The following FBRSL1 variants were observed in gnomAD, a reference collection of about 807,000 sequenced individuals.
FBRSL1 encodes the protein fibrosin-1-like protein.
A neutral mutation model predicts 89.6 loss-of-function variants in FBRSL1; 51 were observed. That is an observed-to-expected ratio of 0.57 (90% CI 0.45 to 0.72). The LOEUF (loss-of-function observed/expected upper bound fraction) is 0.72, where lower values mean the gene tolerates loss of function less well. FBRSL1 is among the 30% of genes least tolerant of loss of function. The probability of loss-of-function intolerance (pLI) is 0.00; values close to 1 mark genes in which losing one functional copy is unlikely to be tolerated. For missense variants in FBRSL1, 1,618 were observed against 1,451.8 expected, an observed-to-expected ratio of 1.11 and a Z score of -1.86; for synonymous variants, 779 against 681.1, an observed-to-expected ratio of 1.14 and a Z score of -2.24.
chr12:132,512,554 C>T (rs573970474), intron 2 of FBRSL1, among the ~76,000 whole-genome samples: 15 of 152,372 alleles, frequency 9.8e-5, no homozygotes, highest in Admixed American at 5.2e-4. Flanking sequence ...TCAGACGTCC[C>T]TGTTGTCAGG....
chr12:132,575,830 T>C (rs1056692778), intron 14 of FBRSL1, among the ~76,000 whole-genome samples: 1 of 152,260 alleles, frequency 6.6e-6, no homozygotes, highest in Non-Finnish European at 1.5e-5. Flanking sequence ...CAGAGCACAC[T>C]GCAGGGACCA....
chr12:132,517,307 G>A (rs2034930786), intron 2 of FBRSL1, among the ~76,000 whole-genome samples: 1 of 152,246 alleles, frequency 6.6e-6, no homozygotes, highest in African/African-American at 2.4e-5. Context: ...TTAGGTGGGA[G>A]TGGAAGAGGA....
At chr12:132,535,057 G>A (rs1047359759) in intron 4 of FBRSL1, among the ~76,000 whole-genome samples, 2 of 152,268 alleles carry the variant, frequency 1.3e-5, no homozygotes, top group East Asian at 1.9e-4. Context: ...GAGAGGGCCA[G>A]GCCAGAGTCT....
chr12:132,540,968 A>G (rs535782552), intron 4 of FBRSL1, among the ~76,000 whole-genome samples: 20 of 152,274 alleles, frequency 1.3e-4, no homozygotes, highest in African/African-American at 4.1e-4. Flanking sequence ...CACTGGGGGT[A>G]CAGCCTCCCA....
chr12:132,538,069 G>C (rs996384858), intron 4 of FBRSL1, among the ~76,000 whole-genome samples: 1 of 152,162 alleles, frequency 6.6e-6, no homozygotes, highest in Non-Finnish European at 1.5e-5. Flanking sequence ...CCAGATCCCT[G>C]GTCAGAGTGA....
chr12:132,577,190 C>T (rs2040435612), intron 15 of FBRSL1, among the ~76,000 whole-genome samples: 1 of 151,962 alleles, frequency 6.6e-6, no homozygotes, highest in South Asian at 2.1e-4. Flanking sequence ...GGGGCTGCTG[C>T]TCCTCCCCAC....
intron 9 of FBRSL1, chr12:132,571,508 C>T (rs1399998241): frequency 6.5e-7 from 1 of 1,532,206 alleles, no homozygotes; most frequent in Admixed American, 2.0e-5. Flanking sequence ...CCGACGCCGC[C>T]CGCCGCACCC....
Position 132,581,731 on chromosome 12 carries a change from G to T in FBRSL1, c.1913-10G>T. The T allele has an allele frequency of 1.3e-6, 2 of 1,550,034 alleles. No individual in the cohort carries two copies. Among genetic ancestry groups the T allele is most frequent in the Non-Finnish European group, 1.7e-6 (2 of 1,146,716 alleles). ...TCACAGACCTCTGGGTCCCGCGGTT[G>T]CCCCCACAGACCCTTTCAGCAGACC... On this transcript the variant is annotated splice_polypyrimidine_tract_variant and intron_variant, in intron 16 of 18. Coordinates refer to ENST00000680143, the MANE Select transcript of FBRSL1 (RefSeq NM_001367871.1).
At chr12:132,559,281 C>T (rs1480435420) in intron 5 of FBRSL1, among the ~76,000 whole-genome samples, 1 of 152,242 alleles carries the variant, frequency 6.6e-6, no homozygotes, top group Non-Finnish European at 1.5e-5. Context: ...TTTGCACCCC[C>T]GTTTCACAGA....
intron 5 of FBRSL1, chr12:132,565,261 T>G (rs2137747765): frequency 6.6e-6 from 1 of 152,338 alleles, no homozygotes; most frequent in East Asian, 1.9e-4. Flanking sequence ...AGTATGAGTT[T>G]AAGCCTAGTC....
At chr12:132,498,954 G>A (rs372557660) in intron 1 of FBRSL1, among the ~76,000 whole-genome samples, 1 of 152,362 alleles carries the variant, frequency 6.6e-6, no homozygotes, top group Non-Finnish European at 1.5e-5. Context: ...CCATGCTCCC[G>A]TCTGCTCAGC....
At chr12:132,529,821 C>T (rs570375384) in intron 4 of FBRSL1, among the ~76,000 whole-genome samples, 6 of 152,276 alleles carry the variant, frequency 3.9e-5, no homozygotes, top group African/African-American at 7.2e-5. Flanking sequence ...GCCCAGAGTC[C>T]GTGAGCTGTT....
intron 2 of FBRSL1, among the ~76,000 whole-genome samples, 162 bp from the exon 3 acceptor site, chr12:132,525,572 C>T (rs2035720585): frequency 6.6e-6 from 1 of 152,206 alleles, no homozygotes; most frequent in Non-Finnish European, 1.5e-5. Context: ...AGGACCCAGC[C>T]CACCACAGCT....
intron 4 of FBRSL1, among the ~76,000 whole-genome samples, chr12:132,537,162 C>T (rs1348565407): frequency 6.6e-6 from 1 of 152,190 alleles, no homozygotes; most frequent in African/African-American, 2.4e-5. Flanking sequence ...GGGATGGCCG[C>T]CCTGTCGTGT....
At chr12:132,576,238 G>A (rs540995755) in intron 14 of FBRSL1, among the ~76,000 whole-genome samples, 8 of 138,070 alleles carry the variant, frequency 5.8e-5, no homozygotes, top group Admixed American at 5.6e-4. Context: ...TGTCACCCAG[G>A]CTAGAGTGCA....
intron 1 of FBRSL1, among the ~76,000 whole-genome samples, chr12:132,498,893 G>T (rs2032500847): frequency 6.6e-6 from 1 of 152,214 alleles, no homozygotes; most frequent in South Asian, 2.1e-4. Flanking sequence ...CACCCCACTG[G>T]GGGCTGGGCA....
At position 132,583,733 on chromosome 12, in the gene FBRSL1, C is replaced by G; in HGVS notation, c.2964C>G (p.Arg988=). 1 of 1,216,582 alleles carries G rather than the reference C, an allele frequency of 8.2e-7. No individual in the cohort carries two copies. The highest frequency in any genetic ancestry group is 1.0e-6 in the Non-Finnish European group (1 of 978,198). The allele number at this position is 1,216,582 out of a possible 1,614,324, so 75.4% of individuals were successfully genotyped here. A position where few individuals can be genotyped will look rare whatever the true frequency, so the allele number is the denominator to read the frequency against. The change falls in exon 19 of 19, where the codon CGC becomes CGG. Residue 988 remains arginine (R), a synonymous_variant. Transcript: ENST00000680143. The part of the protein sequence containing the change: ...PLGGLGPGEA[R]DYSPSRNPPE... ...GGGGCCTCGGGCCGGGCGAGGCGCG[C>G]GACTACTCCCCGTCCCGAAATCCCC... is the stretch of plus-strand genomic sequence containing the variant.
chr12:132,501,958 C>T (rs897080743), intron 1 of FBRSL1, among the ~76,000 whole-genome samples: 1 of 152,222 alleles, frequency 6.6e-6, no homozygotes, highest in South Asian at 2.1e-4. Flanking sequence ...TGTTGTCTTC[C>T]TCTAAATCTA....
At chr12:132,570,877 G>A (rs1053888465) in intron 8 of FBRSL1, among the ~76,000 whole-genome samples, 191 bp from the exon 9 acceptor site, 1 of 152,210 alleles carries the variant, frequency 6.6e-6, no homozygotes, top group Non-Finnish European at 1.5e-5. Flanking sequence ...CATCAAGCAG[G>A]CGCCATCCCA....
Sources: gnomAD v4.1 joint callset for allele counts (sites outside exome capture counted in the v4.1 genomes callset) on GRCh38, gnomAD v4.1.1 for gene constraint, MANE v1.5 for transcripts, NCBI Gene and HGNC (gene_info 2026-07-23, HGNC 2026-07-21) for gene names.